The following OR51B5 variants were observed in gnomAD, a reference collection of about 807,000 sequenced individuals.
OR51B5 encodes olfactory receptor 51B5.
For synonymous variants in OR51B5, 186 were observed against 144.8 expected (o/e 1.28, Z -2.04); for missense variants, 456 against 374.6 (o/e 1.22, Z -1.79).
At chr11:5,343,234 G>C in exon 1 of OR51B5, 1 of 1,613,692 alleles carries the variant, frequency 6.2e-7, no homozygotes, top group Non-Finnish European at 8.5e-7. Context: ...AGTAGGCCTG[G>C]GAAAAGCAGG....
chr11:5,350,815 G>T (rs1415283002), intron 1 of OR51B5, among the ~76,000 whole-genome samples: 1 of 152,100 alleles, frequency 6.6e-6, no homozygotes, highest in Non-Finnish European at 1.5e-5. Flanking sequence ...GCAACTTAGA[G>T]TTCTATGTGC....
At chr11:5,343,163 A>T in exon 1 of OR51B5, 2 of 1,613,938 alleles carry the variant, frequency 1.2e-6, no homozygotes, top group Non-Finnish European at 1.7e-6. Flanking sequence ...GATGGCAATA[A>T]AACGGTCATA....
intron 1 of OR51B5, among the ~76,000 whole-genome samples, chr11:5,503,668 G>A (rs1413799741): frequency 6.6e-6 from 1 of 152,034 alleles, no homozygotes; most frequent in Non-Finnish European, 1.5e-5. Context: ...AAATAATTGA[G>A]GAAGTGTAGT....
downstream of OR51B5, chr11:5,342,436 A>AAAGAGATACCT: frequency 1.0e-6 from 1 of 961,708 alleles, no homozygotes; most frequent in Admixed American, 3.5e-5. Flanking sequence ...AGTTGGGCTT[A>AAAGAGATACCT]AAGAGATACC....
chr11:5,358,319 C>T (rs539496602), intron 1 of OR51B5, among the ~76,000 whole-genome samples: 86 of 151,624 alleles, frequency 5.7e-4, no homozygotes, highest in African/African-American at 1.9e-3. Flanking sequence ...ATATCACCAC[C>T]GATCCCACAG....
rs77455448 is a variant in OR51B5 at position 5,485,644 on chromosome 11, C to T, written n.84+19925G>A. 2.6e-3 allele frequency among the ~76,000 whole-genome samples: 394 copies of T among 152,324 alleles called. 2 individuals are homozygous for T. Among genetic ancestry groups the T allele is most frequent in the African/African-American group, 8.8e-3 (366 of 41,578 alleles). On this transcript the variant is annotated intron_variant and non_coding_transcript_variant, in intron 1 of 4. Transcript: ENST00000415970. ...CTCCAGCACAAAAGCCTCTTTGCTG[C>T]TTCCAAACCCATCAGGCAGGCCTAT...
exon 1 of OR51B5, chr11:5,343,494 G>A (rs199512163): frequency 8.2e-7 from 1 of 1,221,130 alleles, no homozygotes; most frequent in Admixed American, 1.8e-5. Context: ...CCAGTCAATA[G>A]GAAGGGATGG....
chr11:5,351,664 C>T (rs771781204), intron 1 of OR51B5: 3 of 1,614,114 alleles, frequency 1.9e-6, no homozygotes, highest in South Asian at 1.1e-5. Context: ...TGATCATAAC[C>T]TCCATGAGCC....
At chr11:5,413,256 A>T (rs1408146146) in intron 1 of OR51B5, among the ~76,000 whole-genome samples, 1 of 152,184 alleles carries the variant, frequency 6.6e-6, no homozygotes, top group Non-Finnish European at 1.5e-5. Flanking sequence ...TAACAAACAG[A>T]AAGGACATCC....
At chr11:5,474,120 C>T (rs997123349) in intron 1 of OR51B5, among the ~76,000 whole-genome samples, 1 of 152,020 alleles carries the variant, frequency 6.6e-6, no homozygotes, top group Non-Finnish European at 1.5e-5. Flanking sequence ...TATTGATGAC[C>T]AAGCACATAC....
chr11:5,464,451 C>A (rs1361855286), intron 1 of OR51B5, among the ~76,000 whole-genome samples: 4 of 146,734 alleles, frequency 2.7e-5, no homozygotes, highest in Admixed American at 6.9e-5. Flanking sequence ...CCCACCCCAC[C>A]ATAGTCCCCA....
At chr11:5,415,697 A>G (rs923018881) in intron 1 of OR51B5, among the ~76,000 whole-genome samples, 1 of 152,118 alleles carries the variant, frequency 6.6e-6, no homozygotes, top group Admixed American at 6.5e-5. Context: ...AAATTCCTCG[A>G]CACATACACT....
At chr11:5,363,237 T>C (rs903688150) in intron 1 of OR51B5, among the ~76,000 whole-genome samples, 1 of 143,056 alleles carries the variant, frequency 7.0e-6, no homozygotes, top group South Asian at 2.3e-4. Context: ...ACCCAACCCC[T>C]CACACACACA....
intron 1 of OR51B5, among the ~76,000 whole-genome samples, chr11:5,373,673 T>C (rs1381176655): frequency 1.3e-5 from 2 of 152,126 alleles, no homozygotes; most frequent in Non-Finnish European, 2.9e-5. Flanking sequence ...CACCAGGAGA[T>C]TATATCCTGC....
intron 1 of OR51B5, among the ~76,000 whole-genome samples, chr11:5,481,487 T>C (rs1017099368): frequency 2.0e-4 from 27 of 137,768 alleles, no homozygotes; most frequent in Non-Finnish European, 3.4e-4. Context: ...CTATTCAACA[T>C]AGTGTTGGAA....
At chr11:5,389,997 C>T (rs1258363207) in intron 1 of OR51B5, 2 of 1,612,994 alleles carry the variant, frequency 1.2e-6, no homozygotes, top group Middle Eastern at 1.6e-4. Context: ...ATACAGCTGG[C>T]CTGCACAGAT....
At chr11:5,411,619 C>G (rs1850150642) in intron 1 of OR51B5, among the ~76,000 whole-genome samples, 1 of 152,134 alleles carries the variant, frequency 6.6e-6, no homozygotes, top group Non-Finnish European at 1.5e-5. Flanking sequence ...ACATCCTAAT[C>G]CCTGGAACTT....
intron 1 of OR51B5, among the ~76,000 whole-genome samples, chr11:5,399,508 A>G (rs1034862609): frequency 7.9e-5 from 12 of 152,220 alleles, no homozygotes; most frequent in African/African-American, 1.9e-4. Context: ...TATACCGAAC[A>G]TAAGATTCAC....
chr11:5,415,069 A>G (rs1850218926), intron 1 of OR51B5, among the ~76,000 whole-genome samples: 1 of 152,184 alleles, frequency 6.6e-6, no homozygotes, highest in African/African-American at 2.4e-5. Context: ...AATTATAACA[A>G]ACTATCTCTC....
Sources: gnomAD v4.1 joint callset for allele counts (sites outside exome capture counted in the v4.1 genomes callset) on GRCh38, gnomAD v4.1.1 for gene constraint, MANE v1.5 for transcripts, NCBI Gene and HGNC (gene_info 2026-07-23, HGNC 2026-07-21) for gene names.